Variants in FKBP15 observed in about 807,000 individuals in gnomAD.
The protein encoded by FKBP15 is FK506-binding protein 15.
Under a neutral mutation model 158.1 loss-of-function variants are expected in FKBP15, and 106 were observed. That is an observed-to-expected ratio of 0.67 (90% CI 0.57 to 0.79). The LOEUF (loss-of-function observed/expected upper bound fraction) is 0.79, where lower values mean the gene tolerates loss of function less well. Ranked by LOEUF, FKBP15 falls within the 30% of genes least tolerant of loss-of-function variation. FKBP15 has a pLI of 0.00. For missense variants in FKBP15, 1,287 were observed against 1,479.1 expected (o/e 0.87, Z 2.13); for synonymous variants, 547 against 548.6 (o/e 1.00, Z 0.04).
Position 113,165,797 on chromosome 9 carries a change from G to A in FKBP15, c.*281C>T. 1 of 351,984 alleles carries A rather than the reference G, an allele frequency of 2.8e-6. No homozygotes were observed. The highest frequency in any genetic ancestry group is 5.4e-6 in the Non-Finnish European group (1 of 184,174). The allele number at this position is 351,984 out of a possible 1,614,324, so 21.8% of individuals were successfully genotyped here. The stretch of plus-strand genomic sequence containing the variant: ...AGATTAAAAAGTCTGGCAGAGGACA[G>A]GACTCTTACAGGTGACTGGCTTGGA... On this transcript the variant is annotated 3_prime_UTR_variant, in exon 28 of 28. Transcript: ENST00000238256.
intron 27 of FKBP15, among the ~76,000 whole-genome samples, chr9:113,166,549 T>C (rs1342383880): frequency 6.6e-6 from 1 of 151,992 alleles, no homozygotes; most frequent in Non-Finnish European, 1.5e-5. Flanking sequence ...CGAGAGGAAG[T>C]GGGAAGAAGG....
At chr9:113,221,096 G>A in intron 1 of FKBP15, 95 bp downstream of exon 1, 3 of 1,358,322 alleles carry the variant, frequency 2.2e-6, no homozygotes, top group Non-Finnish European at 3.0e-6. Flanking sequence ...CCCCCCGGAA[G>A]TTGGGAAAAG....
At chr9:113,172,301 A>G (rs1263973125) in intron 23 of FKBP15, among the ~76,000 whole-genome samples, 2 of 152,196 alleles carry the variant, frequency 1.3e-5, no homozygotes, top group African/African-American at 4.8e-5. Flanking sequence ...TAGTGCCACA[A>G]TAAACATACA....
chr9:113,204,655 C>A (rs1189935150), intron 4 of FKBP15, among the ~76,000 whole-genome samples: 3 of 152,136 alleles, frequency 2.0e-5, no homozygotes, highest in Non-Finnish European at 4.4e-5. Flanking sequence ...TGGTCTCTTT[C>A]TATTATTTCT....
At chr9:113,205,379 A>G (rs115067753) in intron 4 of FKBP15, among the ~76,000 whole-genome samples, 2,656 of 152,308 alleles carry the variant, frequency 0.017, 93 homozygotes, top group African/African-American at 0.06. Flanking sequence ...ATCTCTCCAC[A>G]GAAAATACAT....
At chr9:113,191,390 G>A (rs1231700587) in intron 11 of FKBP15, among the ~76,000 whole-genome samples, 1 of 151,748 alleles carries the variant, frequency 6.6e-6, no homozygotes, top group African/African-American at 2.4e-5. Flanking sequence ...TTATTTTTAA[G>A]CTATCAGTGT....
At chr9:113,181,863 CAAT>C (rs1830403691) in intron 19 of FKBP15, among the ~76,000 whole-genome samples, 3 of 152,250 alleles carry the variant, frequency 2.0e-5, no homozygotes, top group South Asian at 4.2e-4. Flanking sequence ...CTAACGATAA[CAAT>C]GTTACAGGCT....
Position 113,211,483 on chromosome 9 carries a change from C to T in FKBP15, c.163G>A (p.Ala55Thr), listed in dbSNP as rs774827820. The change falls in exon 2 of 28, where the codon GCA becomes ACA. Residue 55 changes from alanine (A) to threonine (T), a missense_variant. Ala to Thr is a moderately conservative substitution (Grantham distance 58). Transcript: ENST00000238256. ...KQPKKGQGTAATGNQATPKTA... is the reference protein window; with the variant it reads ...KQPKKGQGTATTGNQATPKTA... ...TAATACACTCTTAACTTACCTGTTGCTGCCGTTCCCTGGCCTTTCTTAGGC... is the reference window on the plus strand; with the variant it reads ...TAATACACTCTTAACTTACCTGTTGTTGCCGTTCCCTGGCCTTTCTTAGGC... 1.0e-5 allele frequency: 16 copies of T among 1,605,752 alleles called. No homozygotes were observed. In the Admixed American group the frequency reaches 1.2e-4, roughly 12 times the overall value.
At chr9:113,207,030 T>C (rs909964391) in intron 3 of FKBP15, 182 bp downstream of exon 3, 8 of 578,380 alleles carry the variant, frequency 1.4e-5, no homozygotes, top group Non-Finnish European at 2.5e-5. Flanking sequence ...GTAGACAAGA[T>C]AATGGCTTTT....
chr9:113,208,169 T>G (rs1166707621), intron 2 of FKBP15, among the ~76,000 whole-genome samples: 1 of 152,006 alleles, frequency 6.6e-6, no homozygotes, highest in Non-Finnish European at 1.5e-5. Flanking sequence ...AAACCTTATC[T>G]CTACTAAAAA....
chr9:113,171,657 T>C lies in FKBP15; in HGVS notation c.2582A>G (p.Gln861Arg). 6.2e-7 allele frequency: 1 copy of C among 1,603,264 alleles called. No individual in the cohort carries two copies. Among genetic ancestry groups the C allele is most frequent in the Non-Finnish European group, 8.5e-7 (1 of 1,174,618 alleles). The change falls in exon 24 of 28, where the codon CAG (glutamine) becomes CGG (arginine). Residue 861 changes from glutamine (Q) to arginine (R), a missense_variant. Transcript: ENST00000238256. ...QITALTKQNE[Q>R]HIKELEKNKS... ...GTTCTTCTCTAGTTCCTTGATGTGC[T>C]GTTCATTTTGCTTGGTGAGAGCTGT...
rs765876379 is a variant in FKBP15 at position 113,161,867 on chromosome 9, T to C, written c.*4211A>G. 20 of 749,304 alleles carry C rather than the reference T, an allele frequency of 2.7e-5. No individual in the cohort carries two copies. The highest frequency in any genetic ancestry group is 2.7e-4 in the South Asian group (18 of 67,764). 46.4% of individuals were successfully genotyped at this position (749,304 alleles called of 1,614,324 possible). ...AGCCAAGTGAACTAGAGCTCATGTC[T>C]CCTGATGCCCAGGCCAAAGCACTCT... On this transcript the variant is annotated 3_prime_UTR_variant, in exon 28 of 28. Coordinates refer to ENST00000238256, the MANE Select transcript of FKBP15 (RefSeq NM_015258.2).
intron 2 of FKBP15, among the ~76,000 whole-genome samples, chr9:113,208,698 G>T (rs4388519): frequency 0.14 from 20,698 of 151,966 alleles, 1,858 homozygotes; most frequent in Non-Finnish European, 0.19. Context: ...TTTAAGGTTT[G>T]GTTACATCCT....
At position 113,169,872 on chromosome 9, in the gene FKBP15, TC is replaced by T; in HGVS notation, c.2836del (p.Glu946LysfsTer27). On this transcript the variant is annotated frameshift_variant, in exon 26 of 28. Transcript: ENST00000238256. LOFTEE classifies it high-confidence loss of function. ...KEESSSEEEE[E>X]KAEERPRRPS... ...TCTTCGTGGCCGCTCTTCTGCTTTT[TC>T]TTCTTCTTCTTCACTGCTGCTCTCT... 6.5e-7 allele frequency: 1 copy of T among 1,544,250 alleles called. No individual in the cohort carries two copies. The highest frequency in any genetic ancestry group is 8.8e-7 in the Non-Finnish European group (1 of 1,142,082).
chr9:113,162,994 C>G lies in FKBP15; in HGVS notation c.*3084G>C. 1 of 1,310,958 alleles carries G rather than the reference C, an allele frequency of 7.6e-7. No individual in the cohort carries two copies. 81.2% of individuals were successfully genotyped at this position (1,310,958 alleles called of 1,614,324 possible). A position where few individuals can be genotyped will look rare whatever the true frequency, so the allele number is the denominator to read the frequency against. Reference sequence around the variant, plus strand: ...TCCAGACACTATACTTCCAACTGCCCTTTCTTCTGATGGCTATTCCTCCAC... The same window carrying G: ...TCCAGACACTATACTTCCAACTGCCGTTTCTTCTGATGGCTATTCCTCCAC... On this transcript the variant is annotated 3_prime_UTR_variant, in exon 28 of 28. Transcript: ENST00000238256.
chr9:113,193,894 C>A, intron 10 of FKBP15, 133 bp downstream of exon 10: 1 of 1,072,282 alleles, frequency 9.3e-7, no homozygotes, highest in Non-Finnish European at 1.3e-6. Flanking sequence ...AAGTATCTTC[C>A]CCATTTCCCT....
Position 113,161,963 on chromosome 9 carries a change from C to T in FKBP15, c.*4115G>A. The T allele has an allele frequency of 1.8e-6, 1 of 557,218 alleles. No individual in the cohort carries two copies. The highest frequency in any genetic ancestry group is 1.7e-5 in the South Asian group (1 of 57,746). 34.5% of individuals were successfully genotyped at this position (557,218 alleles called of 1,614,324 possible). ...AACAGTGATCTTCAGGTGCAGGCCC[C>T]TATCTAGCAAATGAGGTGGCCACCC... On this transcript the variant is annotated 3_prime_UTR_variant, in exon 28 of 28. Transcript: ENST00000238256.
Position 113,173,473 on chromosome 9 carries a change from G to T in FKBP15, c.2512C>A (p.Leu838Met), listed in dbSNP as rs754464444. ...CAQRDAYQQKLVQLQEKCLAL... is the reference protein window; with the variant it reads ...CAQRDAYQQKMVQLQEKCLAL... ...TGTACCTTTTCCTGAAGTTGTACCA[G>T]CTTCTGCTGGTAGGCATCTCTCTGT... Residue 838 changes from leucine to methionine, a missense_variant, in exon 23 of 28, where the codon CTG (leucine) becomes ATG (methionine). Physicochemically the swap from Leu to Met is conservative, Grantham distance 15. Transcript: ENST00000238256. The T allele has an allele frequency of 5.6e-6, 9 of 1,613,508 alleles. No individual in the cohort carries two copies. Among genetic ancestry groups the T allele is most frequent in the Non-Finnish European group, 6.8e-6 (8 of 1,179,484 alleles).
intron 22 of FKBP15, among the ~76,000 whole-genome samples, chr9:113,173,965 C>G (rs1360392545): frequency 6.6e-6 from 1 of 152,120 alleles, no homozygotes; most frequent in East Asian, 1.9e-4. Context: ...CCAATGCACT[C>G]TAATTAAACA....
Sources: gnomAD v4.1 joint callset for allele counts (sites outside exome capture counted in the v4.1 genomes callset) on GRCh38, gnomAD v4.1.1 for gene constraint, MANE v1.5 for transcripts, NCBI Gene and HGNC (gene_info 2026-07-23, HGNC 2026-07-21) for gene names.